Variants in SNTB1 observed in about 807,000 individuals in gnomAD.
SNTB1 encodes the protein syntrophin beta 1.
Under a neutral mutation model 48.9 loss-of-function variants are expected in SNTB1, and 36 were observed. The ratio of observed to expected loss-of-function variants is 0.74; its 90% CI spans 0.56 to 0.97. The LOEUF is 0.97. SNTB1 is among the 50% of genes least tolerant of loss of function. The pLI, the probability that SNTB1 is intolerant of heterozygous loss-of-function variation, is 0.00. For missense variants in SNTB1, 786 were observed against 703.4 expected, an observed-to-expected ratio of 1.12 and a Z score of -1.33; for synonymous variants, 299 against 294.6, an observed-to-expected ratio of 1.01 and a Z score of -0.15.
At chr8:120,664,602 C>A (rs745629665) in intron 2 of SNTB1, among the ~76,000 whole-genome samples, 1 of 152,160 alleles carries the variant, frequency 6.6e-6, no homozygotes, top group African/African-American at 2.4e-5. Flanking sequence ...TAGCATGTAT[C>A]AATAGTTCAT....
intron 4 of SNTB1, among the ~76,000 whole-genome samples, chr8:120,574,524 A>G (rs1275580317): frequency 6.6e-6 from 1 of 152,196 alleles, no homozygotes; most frequent in African/African-American, 2.4e-5. Flanking sequence ...TTGTATGTCA[A>G]TACCGTGATG....
intron 1 of SNTB1, among the ~76,000 whole-genome samples, chr8:120,734,537 C>T (rs986466663): frequency 1.3e-5 from 2 of 151,952 alleles, no homozygotes; most frequent in African/African-American, 4.8e-5. Flanking sequence ...TGCCACCTTA[C>T]TTCATGTCTG....
intron 1 of SNTB1, among the ~76,000 whole-genome samples, chr8:120,766,140 G>C (rs988872489): frequency 1.8e-4 from 28 of 152,030 alleles, no homozygotes; most frequent in African/African-American, 6.8e-4. Context: ...TCTCACTCTG[G>C]GGATATTTAT....
intron 1 of SNTB1, among the ~76,000 whole-genome samples, chr8:120,698,201 T>C (rs1587097346): frequency 6.6e-6 from 1 of 152,256 alleles, no homozygotes; most frequent in East Asian, 1.9e-4. Context: ...TTCTTTATAC[T>C]TTGGATGGGG....
Position 120,749,842 on chromosome 8 carries a change from A to G in SNTB1, c.572-55934T>C, listed in dbSNP as rs73323146. Among the ~76,000 whole-genome samples, 1,114 of 152,206 alleles carry G rather than the reference A, an allele frequency of 7.3e-3. 12 individuals are homozygous for G. Among genetic ancestry groups the G allele is most frequent in the Middle Eastern group, 0.031 (9 of 294 alleles). On this transcript the variant is annotated intron_variant, in intron 1 of 6. Coordinates refer to ENST00000517992, the MANE Select transcript of SNTB1 (RefSeq NM_021021.4). ...TCTGCTAATTCCTGTGAACTTACCTAACTCCTCATGAGTCTAGATTCTGTT... is the reference window on the plus strand; with the variant it reads ...TCTGCTAATTCCTGTGAACTTACCTGACTCCTCATGAGTCTAGATTCTGTT...
chr8:120,553,791 C>G (rs1815520611), intron 4 of SNTB1, among the ~76,000 whole-genome samples: 1 of 152,012 alleles, frequency 6.6e-6, no homozygotes, highest in Non-Finnish European at 1.5e-5. Flanking sequence ...TGAAGTTAGG[C>G]GTTTGAGACC....
intron 1 of SNTB1, among the ~76,000 whole-genome samples, chr8:120,756,138 A>G (rs1472147430): frequency 6.6e-6 from 1 of 152,188 alleles, no homozygotes; most frequent in Non-Finnish European, 1.5e-5. Context: ...CAACATAGTC[A>G]ATCTCTACCC....
intron 3 of SNTB1, among the ~76,000 whole-genome samples, chr8:120,621,611 C>G (rs927243661): frequency 2.0e-5 from 3 of 152,038 alleles, no homozygotes; most frequent in Non-Finnish European, 2.9e-5. Flanking sequence ...CGCATCAACA[C>G]AATAGATCAA....
intron 1 of SNTB1, among the ~76,000 whole-genome samples, chr8:120,781,812 A>G (rs6988816): frequency 0.11 from 17,263 of 152,226 alleles, 1,403 homozygotes; most frequent in African/African-American, 0.22. Context: ...GAAGAACAAG[A>G]AAAGTCCTAG....
rs190937012 is a variant in SNTB1, at chr8:120,810,572, A to C, written c.571+701T>G. Reference sequence around the variant, plus strand: ...ATCACTTCACCAGCTCTCAACCCAGAGGAACCTGGAATCCAGACTGACCGG... The same window carrying C: ...ATCACTTCACCAGCTCTCAACCCAGCGGAACCTGGAATCCAGACTGACCGG... On this transcript the variant is annotated intron_variant, in intron 1 of 6. Transcript: ENST00000517992. Among the ~76,000 whole-genome samples, 13 of 152,338 alleles carry C rather than the reference A, an allele frequency of 8.5e-5. No individual in the cohort carries two copies. The East Asian group carries it at 2.5e-3, about 29-fold the overall frequency.
At position 120,811,677 on chromosome 8, in the gene SNTB1, G is replaced by T. The variant is rs759921667; in HGVS notation, c.167C>A (p.Ala56Glu). The change falls in exon 1 of 7, where the codon GCG becomes GAG. Residue 56 changes from alanine (A) to glutamate (E), a missense_variant. Physicochemically the swap from Ala to Glu is moderately radical, Grantham distance 107 (BLOSUM62 -1). Coordinates refer to ENST00000517992, the MANE Select transcript of SNTB1 (RefSeq NM_021021.4). ...LVLSSEEGAA[A>E]YNGIGTATNG... ...GGTGGCGGTCCCGATGCCGTTGTACGCCGCAGCGCCCTCCTCGCTGCTCAG... is the reference window on the plus strand; with the variant it reads ...GGTGGCGGTCCCGATGCCGTTGTACTCCGCAGCGCCCTCCTCGCTGCTCAG... 2 of 1,590,338 alleles carry T rather than the reference G, an allele frequency of 1.3e-6. No individual in the cohort carries two copies. The highest frequency in any genetic ancestry group is 2.4e-5 in the East Asian group (1 of 41,950).
intron 2 of SNTB1, among the ~76,000 whole-genome samples, chr8:120,692,913 GA>G (rs1818152546): frequency 2.6e-5 from 4 of 152,266 alleles, no homozygotes; most frequent in Non-Finnish European, 5.9e-5. Context: ...TGCTCTAAAG[GA>G]ATACCTGAGG....
chr8:120,611,574 A>G (rs1055695940), intron 3 of SNTB1, among the ~76,000 whole-genome samples: 30 of 152,136 alleles, frequency 2.0e-4, no homozygotes, highest in African/African-American at 6.8e-4. Flanking sequence ...CTGTAATCCC[A>G]GCACTTTGGG....
At chr8:120,691,673 G>T (rs4407922) in intron 2 of SNTB1, among the ~76,000 whole-genome samples, 15,694 of 152,042 alleles carry the variant, frequency 0.1, 1,045 homozygotes, top group East Asian at 0.21. Context: ...GCAGAAACTG[G>T]CTTTTTAAAT....
intron 1 of SNTB1, among the ~76,000 whole-genome samples, chr8:120,788,106 G>T (rs968305998): frequency 6.6e-6 from 1 of 152,110 alleles, no homozygotes; most frequent in Non-Finnish European, 1.5e-5. Flanking sequence ...TGTCAGCCAA[G>T]AATTCTGCAT....
chr8:120,766,595 T>A (rs528423856), intron 1 of SNTB1, among the ~76,000 whole-genome samples: 1 of 152,300 alleles, frequency 6.6e-6, no homozygotes, highest in African/African-American at 2.4e-5. Context: ...TGAGCACCAA[T>A]CATATGCCAA....
At chr8:120,656,375 T>G (rs372753647) in intron 2 of SNTB1, among the ~76,000 whole-genome samples, 4 of 152,324 alleles carry the variant, frequency 2.6e-5, no homozygotes, top group African/African-American at 9.6e-5. Context: ...GACACATACA[T>G]TTACAAAATA....
At chr8:120,604,249 T>C (rs1182392621) in intron 3 of SNTB1, among the ~76,000 whole-genome samples, 3 of 152,200 alleles carry the variant, frequency 2.0e-5, no homozygotes, top group African/African-American at 7.2e-5. Context: ...TCTGTCAGTA[T>C]AGTCATCTGT....
chr8:120,727,369 C>T (rs778001233), intron 1 of SNTB1, among the ~76,000 whole-genome samples: 2 of 152,086 alleles, frequency 1.3e-5, no homozygotes, highest in Non-Finnish European at 1.5e-5. Flanking sequence ...GGAGCAGACA[C>T]GTTGGGGTCA....
Sources: gnomAD v4.1 joint callset for allele counts (sites outside exome capture counted in the v4.1 genomes callset) on GRCh38, gnomAD v4.1.1 for gene constraint, MANE v1.5 for transcripts, NCBI Gene and HGNC (gene_info 2026-07-23, HGNC 2026-07-21) for gene names.